Variants in TMEM270 observed in about 807,000 individuals in gnomAD.
TMEM270 encodes the protein Williams-Beuren syndrome chromosome region 28.
TMEM270 carries 30 observed loss-of-function variants against 29.9 expected under a neutral mutation model. The observed-to-expected ratio is 1.00, with a 90% CI of 0.75 to 1.36. The LOEUF is 1.36. Among genes scored for constraint, TMEM270 ranks in the 40% most tolerant of loss-of-function variants. The pLI is 0.00. For synonymous variants in TMEM270, 135 were observed against 139.8 expected, an observed-to-expected ratio of 0.97 and a Z score of 0.24; for missense variants, 313 against 307.1, an observed-to-expected ratio of 1.02 and a Z score of -0.14.
At chr7:73,861,494 G>A (rs1554639254) in intron 1 of TMEM270, 2 of 645,060 alleles carry the variant, frequency 3.1e-6, no homozygotes. Flanking sequence ...CTGTCGCCCA[G>A]CCTGGAGCGC....
Position 73,865,109 on chromosome 7 carries a change from C to T in TMEM270, c.189C>T (p.His63=). ...EARGSCNWQA[H]LPLGAAACPL... is the part of the protein sequence containing the mutation. ...GGGGGTCCTGTAACTGGCAGGCCCA[C>T]CTACCCCTGGGAGCTGCAGCCTGCC... The change falls in exon 2 of 3, where the codon CAC becomes CAT. Residue 63 remains histidine, a synonymous_variant. Coordinates refer to ENST00000320531, the MANE Select transcript of TMEM270 (RefSeq NM_182504.4). The T allele has an allele frequency of 1.3e-6, 2 of 1,585,648 alleles. No homozygotes were observed. Among genetic ancestry groups the T allele is most frequent in the Non-Finnish European group, 1.7e-6 (2 of 1,164,488 alleles).
intron 1 of TMEM270, among the ~76,000 whole-genome samples, chr7:73,864,350 G>C (rs1252968256): frequency 6.6e-6 from 1 of 151,888 alleles, no homozygotes. Flanking sequence ...GGTTGTTTAA[G>C]TGTGGGAGGT....
chr7:73,863,195 G>GGCCTGTGGACACGT (rs1788824185), intron 1 of TMEM270, among the ~76,000 whole-genome samples: 2 of 152,002 alleles, frequency 1.3e-5, no homozygotes, highest in Non-Finnish European at 2.9e-5. Context: ...CAGATGGTGG[G>GGCCTGTGGACACGT]GCCTGTGGAC....
In TMEM270 at chr7:73,861,544, G is replaced by A. The variant is rs1406750642; in HGVS notation, c.72+278G>A. ...AGCTCGTTGCAGCCTCCAACTCCCGGTCTCAAGCAATCCTCCCCCCTCAGC... is the reference window on the plus strand; with the variant it reads ...AGCTCGTTGCAGCCTCCAACTCCCGATCTCAAGCAATCCTCCCCCCTCAGC... On this transcript the variant is annotated intron_variant, in intron 1 of 2. Transcript: ENST00000320531. The A allele has an allele frequency of 8.6e-6, 5 of 583,856 alleles. No individual in the cohort carries two copies. The Admixed American group carries it at 1.1e-4, about 13-fold the overall frequency. The allele number at this position is 583,856 out of a possible 1,614,324, so 36.2% of individuals were successfully genotyped here.
At chr7:73,864,305 T>C (rs1024486468) in intron 1 of TMEM270, among the ~76,000 whole-genome samples, 1 of 148,410 alleles carries the variant, frequency 6.7e-6, no homozygotes, top group African/African-American at 2.5e-5. Flanking sequence ...CATGCACTTG[T>C]GTGGTCTCAG....
chr7:73,864,376 C>T (rs1230725263), intron 1 of TMEM270, among the ~76,000 whole-genome samples: 1 of 151,802 alleles, frequency 6.6e-6, no homozygotes, highest in African/African-American at 2.4e-5. Flanking sequence ...CTGCAGTGAG[C>T]TATGATGACA....
intron 1 of TMEM270, among the ~76,000 whole-genome samples, chr7:73,864,402 G>A (rs1331033633): frequency 3.3e-5 from 5 of 152,122 alleles, no homozygotes; most frequent in Middle Eastern, 3.4e-3. Context: ...GCACTCCAGC[G>A]TGGACAACAG....
At chr7:73,862,108 C>G (rs1392546352) in intron 1 of TMEM270, among the ~76,000 whole-genome samples, 1 of 149,910 alleles carries the variant, frequency 6.7e-6, no homozygotes. Context: ...ATTCATCTCT[C>G]TCTCTTTTTT....
intron 1 of TMEM270, among the ~76,000 whole-genome samples, chr7:73,864,161 C>T (rs945505741): frequency 4.0e-5 from 6 of 148,244 alleles, no homozygotes; most frequent in African/African-American, 1.5e-4. Context: ...GTGAGATGCA[C>T]CTATAGCTCC....
intron 1 of TMEM270, 45 bp downstream of exon 1, chr7:73,861,311 G>A (rs1554639213): frequency 6.4e-7 from 1 of 1,573,616 alleles, no homozygotes; most frequent in Admixed American, 1.7e-5. Flanking sequence ...CACACACCAG[G>A]CCCTTCACAG....
chr7:73,865,490 G>T, intron 2 of TMEM270, 69 bp downstream of exon 2: 1 of 1,580,152 alleles, frequency 6.3e-7, no homozygotes, highest in East Asian at 2.2e-5. Flanking sequence ...GTCAGGGCTG[G>T]CTGGGCTTGC....
chr7:73,865,104 G>A lies in TMEM270; in HGVS notation c.184G>A (p.Ala62Thr), dbSNP rs530354825. 12 of 1,577,106 alleles carry A rather than the reference G, an allele frequency of 7.6e-6. No homozygotes were observed. The highest frequency in any genetic ancestry group is 1.0e-5 in the Non-Finnish European group (12 of 1,160,594). The change falls in exon 2 of 3, where the codon GCC becomes ACC. Residue 62 changes from alanine (A) to threonine (T), a missense_variant. Ala to Thr is a moderately conservative substitution (Grantham distance 58, BLOSUM62 0). Transcript: ENST00000320531. The part of the protein sequence containing the change: ...QEARGSCNWQ[A>T]HLPLGAAACP... ...GGCCCGGGGGTCCTGTAACTGGCAG[G>A]CCCACCTACCCCTGGGAGCTGCAGC...
intron 1 of TMEM270, chr7:73,861,581 C>G: frequency 2.0e-6 from 1 of 505,504 alleles, no homozygotes. Context: ...TCCAAGTAGC[C>G]GGGACTATAG....
chr7:73,863,762 CT>C (rs1366095735), intron 1 of TMEM270, among the ~76,000 whole-genome samples: 1 of 152,140 alleles, frequency 6.6e-6, no homozygotes, highest in East Asian at 1.9e-4. Flanking sequence ...TATGTGACCC[CT>C]GCCCCATGTC....
intron 1 of TMEM270, among the ~76,000 whole-genome samples, chr7:73,861,771 C>T (rs1788790923): frequency 1.3e-5 from 2 of 151,582 alleles, no homozygotes; most frequent in Admixed American, 1.3e-4. Flanking sequence ...GAGGGTCACT[C>T]CTATGGGTGA....
rs781868406 is a variant in TMEM270, at chr7:73,865,699, C to T, written c.624C>T (p.Thr208=). The T allele has an allele frequency of 5.0e-6, 8 of 1,614,142 alleles. No individual in the cohort carries two copies. Among genetic ancestry groups the T allele is most frequent in the Admixed American group, 1.7e-5 (1 of 60,022 alleles). The part of the protein sequence containing the change: ...WHLAYLITWT[T]CLASHLLQAA... The stretch of plus-strand genomic sequence containing the variant: ...TGGCCTATCTCATCACCTGGACCAC[C>T]TGCCTGGCCTCCCACCTGCTGCAGG... The change falls in exon 3 of 3, where the codon ACC becomes ACT. Residue 208 remains threonine, a synonymous_variant. Transcript: ENST00000320531.
Position 73,861,199 on chromosome 7 carries a change from A to G in TMEM270, c.5A>G (p.Glu2Gly). 1 of 1,612,582 alleles carries G rather than the reference A, an allele frequency of 6.2e-7. No homozygotes were observed. Among genetic ancestry groups the G allele is most frequent in the Non-Finnish European group, 8.5e-7 (1 of 1,179,172 alleles). ...AGTAGGTGGGGGAGGCCAGACATGGAGGCCCTTCCTCCAGTCAGATCCAGC... is the reference window on the plus strand; with the variant it reads ...AGTAGGTGGGGGAGGCCAGACATGGGGGCCCTTCCTCCAGTCAGATCCAGC... The part of the protein sequence containing the change: M[E>G]ALPPVRSSLL... Residue 2 changes from glutamate (E) to glycine (G), a missense_variant, in exon 1 of 3, where the codon GAG becomes GGG. By Grantham distance (98) the Glu-to-Gly change is moderately conservative (BLOSUM62 -2). Coordinates refer to ENST00000320531, the MANE Select transcript of TMEM270 (RefSeq NM_182504.4).
upstream of TMEM270, among the ~76,000 whole-genome samples, chr7:73,861,004 A>G (rs938931587): frequency 3.9e-5 from 6 of 152,164 alleles, no homozygotes; most frequent in African/African-American, 1.4e-4. Flanking sequence ...GCTTTGCTCT[A>G]AGACCTCCTT....
At chr7:73,864,288 A>G (rs886169510) in intron 1 of TMEM270, among the ~76,000 whole-genome samples, 1 of 150,986 alleles carries the variant, frequency 6.6e-6, no homozygotes, top group Admixed American at 6.6e-5. Context: ...TTAGCCAGGC[A>G]TGGTGGCATG....
Sources: allele counts gnomAD v4.1 joint callset (sites outside exome capture counted in the v4.1 genomes callset), GRCh38; gene constraint gnomAD v4.1.1; transcripts MANE v1.5; gene names NCBI Gene and HGNC (gene_info 2026-07-23, HGNC 2026-07-21).